PACC1: variants seen among roughly 807,000 people sequenced by gnomAD.
PACC1 encodes the protein proton activated chloride channel 1.
Under a neutral mutation model 39.7 loss-of-function variants are expected in PACC1, and 34 were observed. The ratio of observed to expected loss-of-function variants is 0.86; its 90% confidence interval spans 0.65 to 1.14. PACC1 has a LOEUF of 1.14. Among genes scored for constraint, PACC1 ranks in the 50% most tolerant of loss-of-function variants. The pLI is 0.00. For synonymous variants in PACC1, 127 were observed against 160.6 expected, an observed-to-expected ratio of 0.79 and a Z score of 1.58; for missense variants, 379 against 436.4, an observed-to-expected ratio of 0.87 and a Z score of 1.17.
intron 2 of PACC1, among the ~76,000 whole-genome samples, chr1:212,404,592 T>C (rs1157789104): frequency 2.0e-5 from 3 of 152,092 alleles, no homozygotes; most frequent in African/African-American, 7.2e-5. Context: ...TTCCCATCTC[T>C]ATACAGTTGC....
chr1:212,387,909 C>G (rs1457346001), intron 2 of PACC1, among the ~76,000 whole-genome samples: 1 of 151,968 alleles, frequency 6.6e-6, no homozygotes, highest in East Asian at 1.9e-4. Context: ...ACAAAATTAG[C>G]TGGGCGTGGT....
At chr1:212,366,856 G>C (rs932886226) in intron 7 of PACC1, among the ~76,000 whole-genome samples, 3 of 152,222 alleles carry the variant, frequency 2.0e-5, no homozygotes, top group African/African-American at 4.8e-5. Flanking sequence ...AATAGTGGTA[G>C]TGGGTGATAG....
intron 5 of PACC1, 119 bp from the exon 6 acceptor site, chr1:212,377,825 C>T (rs774433419): frequency 1.6e-4 from 189 of 1,158,218 alleles, no homozygotes; most frequent in Non-Finnish European, 2.1e-4. Context: ...CCACTCCCTG[C>T]CTCCTCTCCA....
chr1:212,367,764 G>A (rs181705182), intron 7 of PACC1, among the ~76,000 whole-genome samples: 67 of 152,180 alleles, frequency 4.4e-4, no homozygotes, highest in African/African-American at 1.3e-3. Context: ...TACCAGCCCT[G>A]CCACAGCACC....
intron 2 of PACC1, among the ~76,000 whole-genome samples, chr1:212,402,206 T>C (rs1661742011): frequency 6.6e-6 from 1 of 152,236 alleles, no homozygotes; most frequent in Admixed American, 6.5e-5. Context: ...GCCCATATGG[T>C]AACTCTGTAG....
chr1:212,410,826 T>C (rs1005184829), intron 1 of PACC1, among the ~76,000 whole-genome samples: 11 of 152,234 alleles, frequency 7.2e-5, no homozygotes, highest in Admixed American at 2.0e-4. Flanking sequence ...TTGGCAGGGT[T>C]GGCTCCTTCT....
intron 7 of PACC1, among the ~76,000 whole-genome samples, chr1:212,366,287 C>T (rs1275623680): frequency 6.6e-6 from 1 of 150,708 alleles, no homozygotes; most frequent in Non-Finnish European, 1.5e-5. Context: ...ACTTCCACAA[C>T]CTGGTAAGAA....
chr1:212,395,686 C>T (rs1057370318), intron 2 of PACC1, among the ~76,000 whole-genome samples: 1 of 151,960 alleles, frequency 6.6e-6, no homozygotes, highest in Non-Finnish European at 1.5e-5. Flanking sequence ...GCAATCTACT[C>T]ATCTGACAAA....
In PACC1 at chr1:212,367,658, C is replaced by T. The variant is rs1447354693; in HGVS notation, c.892-2282G>A. Among the ~76,000 whole-genome samples the T allele has an allele frequency of 1.4e-4, 21 of 152,220 alleles. No homozygotes were observed. The East Asian group carries it at 3.9e-3, about 28-fold the overall frequency. On this transcript the variant is annotated intron_variant, in intron 7 of 7. Transcript: ENST00000261455. ...GTTTGGGGTGTGATCCAGCATGACA[C>T]CAGCTGCCTCAACTCCAGGCAGTGC...
chr1:212,365,479 T>C, intron 7 of PACC1, 103 bp from the exon 8 acceptor site: 2 of 1,269,152 alleles, frequency 1.6e-6, no homozygotes, highest in Non-Finnish European at 2.1e-6. Flanking sequence ...TCACCCAGGC[T>C]TGTGTGCGTG....
At chr1:212,397,802 C>A (rs1434762335) in intron 2 of PACC1, among the ~76,000 whole-genome samples, 2 of 152,144 alleles carry the variant, frequency 1.3e-5, no homozygotes, top group African/African-American at 4.8e-5. Flanking sequence ...GCACCTAAAC[C>A]ACAAGGAGAA....
rs1177126205 is a variant in PACC1, at chr1:212,386,165, T to C, written c.343+726A>G. 1.3e-5 allele frequency among the ~76,000 whole-genome samples: 2 copies of C among 152,140 alleles called. No individual in the cohort carries two copies. The highest frequency in any genetic ancestry group is 2.9e-5 in the Non-Finnish European group (2 of 68,028). ...GGGCACCCGGACTCTGGCTCTGCCA[T>C]GTGAGCAGGCCCTCCCACAGGTTAC... On this transcript the variant is annotated intron_variant, in intron 3 of 7. Coordinates refer to ENST00000261455, the MANE Select transcript of PACC1 (RefSeq NM_018252.3). The surrounding 1 kb of genome is among the most constrained non-coding windows in gnomAD (Gnocchi z 5.0).
chr1:212,411,329 T>C (rs1313692876), intron 1 of PACC1, among the ~76,000 whole-genome samples: 2 of 152,144 alleles, frequency 1.3e-5, no homozygotes, highest in African/African-American at 4.8e-5. Flanking sequence ...GTCAGAGCTC[T>C]CTCTGGCACT....
chr1:212,406,678 G>A (rs1661931381), intron 2 of PACC1, among the ~76,000 whole-genome samples: 1 of 152,188 alleles, frequency 6.6e-6, no homozygotes, highest in African/African-American at 2.4e-5. Flanking sequence ...TTCCCCCAAA[G>A]CAACTGGGAA....
At position 212,379,988 on chromosome 1, in the gene PACC1, A is replaced by T; in HGVS notation, c.545T>A (p.Leu182Gln). 6.2e-7 allele frequency: 1 copy of T among 1,614,216 alleles called. No individual in the cohort carries two copies. ...QGPREVKKRE[L>Q]VFLQFRLNKS... The stretch of plus-strand genomic sequence containing the variant: ...GTTCAGGCGGAACTGGAGGAAGACC[A>T]GCTCCCGCTTTTTCACTTCCCGGGG... Residue 182 changes from leucine (L) to glutamine (Q), a missense_variant, in exon 5 of 8, where the codon CTG (leucine) becomes CAG (glutamine). Leu to Gln is a moderately radical substitution (Grantham distance 113). Transcript: ENST00000261455.
At chr1:212,414,074 G>A (rs1662236537) in intron 1 of PACC1, 4 of 1,533,400 alleles carry the variant, frequency 2.6e-6, no homozygotes, top group Non-Finnish European at 3.5e-6. Flanking sequence ...AGCGCTGGAC[G>A]CACAGCCTGC....
chr1:212,378,537 T>A (rs978664495), intron 5 of PACC1, among the ~76,000 whole-genome samples: 1 of 152,192 alleles, frequency 6.6e-6, no homozygotes, highest in African/African-American at 2.4e-5. Context: ...TTGCTCTGAA[T>A]GGAGCCTCTG....
At chr1:212,389,941 A>C (rs1168374625) in intron 2 of PACC1, among the ~76,000 whole-genome samples, 1 of 152,238 alleles carries the variant, frequency 6.6e-6, no homozygotes, top group African/African-American at 2.4e-5. Context: ...TGAAATAAAA[A>C]GTTCACTGTA....
chr1:212,373,737 AG>A lies in PACC1; in HGVS notation c.891+1455del, dbSNP rs1440414663. Among the ~76,000 whole-genome samples the A allele has an allele frequency of 2.6e-5, 4 of 152,342 alleles. No individual in the cohort carries two copies. In the East Asian group the frequency reaches 7.7e-4, roughly 29 times the overall value. ...AAAAGATGATATTCAAATGGCCAAAAGGCATATGAAAATATGCTCAACAACA... is the reference window on the plus strand; with the variant it reads ...AAAAGATGATATTCAAATGGCCAAAAGCATATGAAAATATGCTCAACAACA... On this transcript the variant is annotated intron_variant, in intron 7 of 7. Transcript: ENST00000261455.
Sources: gnomAD v4.1 joint callset for allele counts (sites outside exome capture counted in the v4.1 genomes callset) on GRCh38, gnomAD v4.1.1 for gene constraint, Gnocchi (gnomAD v3.1) non-coding constraint, MANE v1.5 for transcripts, NCBI Gene and HGNC (gene_info 2026-07-23, HGNC 2026-07-21) for gene names.